TMPRSS2: variants seen among roughly 807,000 people sequenced by gnomAD.
TMPRSS2 encodes the protein transmembrane protease serine 2.
Under a neutral mutation model 67.4 loss-of-function variants are expected in TMPRSS2, and 59 were observed. The observed-to-expected ratio is 0.88, with a 90% confidence interval of 0.71 to 1.09. The LOEUF (loss-of-function observed/expected upper bound fraction) is 1.09. Ranked by LOEUF, TMPRSS2 falls within the 50% of genes least tolerant of loss-of-function variation. TMPRSS2 has a pLI of 0.00. For synonymous variants in TMPRSS2, 257 were observed against 257.0 expected, an observed-to-expected ratio of 1.00 and a Z score of 0.00; for missense variants, 668 against 642.7, an observed-to-expected ratio of 1.04 and a Z score of -0.43.
intron 6 of TMPRSS2, among the ~76,000 whole-genome samples, chr21:41,480,068 C>T (rs62217529): frequency 2.0e-3 from 304 of 152,316 alleles, no homozygotes; most frequent in Non-Finnish European, 3.5e-3. Context: ...CAGGATTTGT[C>T]TCTGCTGCTC....
chr21:41,485,083 T>TGC (rs1301097639), intron 5 of TMPRSS2, among the ~76,000 whole-genome samples: 3 of 40,684 alleles, frequency 7.4e-5, no homozygotes, highest in African/African-American at 3.8e-4. Flanking sequence ...GAGTGATGCG[T>TGC]GTGTGTGTGT....
chr21:41,483,527 AC>A (rs1489356543), intron 5 of TMPRSS2, among the ~76,000 whole-genome samples: 11 of 115,116 alleles, frequency 9.6e-5, no homozygotes, highest in Admixed American at 9.1e-4. Flanking sequence ...GGCGATCCCC[AC>A]CCCCTCCGCC....
chr21:41,468,839 C>T (rs542060428), intron 11 of TMPRSS2: 15 of 314,310 alleles, frequency 4.8e-5, no homozygotes, highest in East Asian at 3.6e-4. Context: ...ATTCACCCAA[C>T]GGCTTGGTTC....
At chr21:41,503,519 G>A (rs561557938) in intron 1 of TMPRSS2, among the ~76,000 whole-genome samples, 3 of 152,310 alleles carry the variant, frequency 2.0e-5, no homozygotes, top group South Asian at 2.1e-4. Context: ...CTTCCAACAC[G>A]TAAGAGCCGG....
chr21:41,496,241 A>G (rs1260197116), intron 2 of TMPRSS2, among the ~76,000 whole-genome samples: 2 of 152,206 alleles, frequency 1.3e-5, no homozygotes, highest in Non-Finnish European at 2.9e-5. Flanking sequence ...CAGAGAAAAA[A>G]ACTGAGTGAA....
At chr21:41,500,085 C>T (rs1366575434) in intron 1 of TMPRSS2, among the ~76,000 whole-genome samples, 11 of 152,140 alleles carry the variant, frequency 7.2e-5, no homozygotes, top group Admixed American at 6.5e-4. Context: ...CACTGGGCAG[C>T]GGTTCAGCCC....
chr21:41,492,298 G>A (rs2091343993), intron 3 of TMPRSS2, among the ~76,000 whole-genome samples: 1 of 152,212 alleles, frequency 6.6e-6, no homozygotes, highest in Admixed American at 6.5e-5. Flanking sequence ...TCAGCCTCAT[G>A]GTTTCTCACG....
At chr21:41,469,535 G>T (rs1263495565) in intron 11 of TMPRSS2, among the ~76,000 whole-genome samples, 1 of 152,058 alleles carries the variant, frequency 6.6e-6, no homozygotes, top group African/African-American at 2.4e-5. Context: ...TTGGCCCCTT[G>T]ACCACACCTG....
intron 1 of TMPRSS2, 24 bp downstream of exon 1, chr21:41,508,057 G>C (rs1307208227): frequency 7.8e-7 from 1 of 1,287,786 alleles, no homozygotes; most frequent in African/African-American, 1.6e-5. Flanking sequence ...CCCGAGCCGG[G>C]ACCCTGGTAC....
At chr21:41,497,795 T>TA (rs1173598299) in intron 2 of TMPRSS2, among the ~76,000 whole-genome samples, 3 of 152,224 alleles carry the variant, frequency 2.0e-5, no homozygotes, top group Non-Finnish European at 4.4e-5. Context: ...CCCTGGAACA[T>TA]ACCCCTGTTA....
At chr21:41,502,856 C>T (rs902979389) in intron 1 of TMPRSS2, among the ~76,000 whole-genome samples, 2 of 152,164 alleles carry the variant, frequency 1.3e-5, no homozygotes, top group Non-Finnish European at 2.9e-5. Context: ...AAAGAGATTA[C>T]AAACTTTTTA....
chr21:41,481,183 C>T (rs992009297), intron 5 of TMPRSS2, among the ~76,000 whole-genome samples: 19 of 152,236 alleles, frequency 1.2e-4, no homozygotes, highest in African/African-American at 2.9e-4. Flanking sequence ...ACACTCCAAA[C>T]GCCCACCAAC....
intron 5 of TMPRSS2, chr21:41,487,759 G>T (rs375760): frequency 0.21 from 31,727 of 152,140 alleles, 3,544 homozygotes; most frequent in Middle Eastern, 0.31. Flanking sequence ...AAGGCAGCTT[G>T]TTTTGAAAAT....
Position 41,471,909 on chromosome 21 carries a change from G to T in TMPRSS2, c.972C>A (p.Ala324=). The T allele has an allele frequency of 6.2e-7, 1 of 1,613,394 alleles. No individual in the cohort carries two copies. The highest frequency in any genetic ancestry group is 8.5e-7 in the Non-Finnish European group (1 of 1,179,826). The change falls in exon 10 of 14, where the codon GCC becomes GCA. Residue 324 remains alanine, a synonymous_variant. Coordinates refer to ENST00000332149, the MANE Select transcript of TMPRSS2 (RefSeq NM_005656.4). Reference sequence around the variant, plus strand: ...AAATCACTTTTTCTACTTGGTATCCGGCTCCATAGAACATGAAAGATTGTC... The same window carrying T: ...AAATCACTTTTTCTACTTGGTATCCTGCTCCATAGAACATGAAAGATTGTC... ...ILRQSFMFYG[A]GYQVEKVISH... is the part of the protein sequence containing the mutation.
chr21:41,490,952 A>G (rs1482136994), intron 3 of TMPRSS2, among the ~76,000 whole-genome samples: 1 of 152,128 alleles, frequency 6.6e-6, no homozygotes, highest in African/African-American at 2.4e-5. Flanking sequence ...GTGCCTCCGG[A>G]GGTCTGCCAG....
intron 1 of TMPRSS2, among the ~76,000 whole-genome samples, chr21:41,499,490 A>C (rs2091409023): frequency 6.6e-6 from 1 of 152,178 alleles, no homozygotes; most frequent in Non-Finnish European, 1.5e-5. Context: ...CACTCTGGAT[A>C]TCTGATCGGG....
At chr21:41,468,802 C>T in intron 11 of TMPRSS2, 1 of 428,694 alleles carries the variant, frequency 2.3e-6, no homozygotes, top group Non-Finnish European at 4.3e-6. Flanking sequence ...CTATAGGGCT[C>T]TATCAGTGCC....
intron 6 of TMPRSS2, among the ~76,000 whole-genome samples, chr21:41,479,498 C>T (rs528681261): frequency 2.0e-5 from 3 of 152,266 alleles, no homozygotes; most frequent in African/African-American, 2.4e-5. Flanking sequence ...CTTCATTGGT[C>T]GTGTTTCTTA....
At chr21:41,501,676 G>A (rs1044636581) in intron 1 of TMPRSS2, among the ~76,000 whole-genome samples, 1 of 151,384 alleles carries the variant, frequency 6.6e-6, no homozygotes, top group East Asian at 1.9e-4. Context: ...ATAAAACAAG[G>A]GGGGGAATGT....
Sources: allele counts gnomAD v4.1 joint callset (sites outside exome capture counted in the v4.1 genomes callset), GRCh38; gene constraint gnomAD v4.1.1; transcripts MANE v1.5; gene names NCBI Gene and HGNC (gene_info 2026-07-23, HGNC 2026-07-21).